The following GRIK2 variants were observed in gnomAD, a reference collection of about 807,000 sequenced individuals.
GRIK2 encodes the protein glutamate ionotropic receptor kainate type subunit 2.
A neutral mutation model predicts 100.3 loss-of-function variants in GRIK2; 32 were observed. The ratio of observed to expected loss-of-function variants is 0.32; its 90% CI spans 0.24 to 0.43. The LOEUF (loss-of-function observed/expected upper bound fraction) is 0.43. Ranked by LOEUF, GRIK2 falls within the 20% of genes least tolerant of loss-of-function variation. The pLI is 1.00. For missense variants in GRIK2, 843 were observed against 1,114.9 expected (o/e 0.76, Z 3.47); for synonymous variants, 417 against 389.4 (o/e 1.07, Z -0.83).
At chr6:101,703,828 C>T (rs1402981895) in intron 7 of GRIK2, among the ~76,000 whole-genome samples, 1 of 149,084 alleles carries the variant, frequency 6.7e-6, no homozygotes, top group Non-Finnish European at 1.5e-5. Context: ...TTGTTTATTG[C>T]ATTATAAAAA....
In GRIK2 at chr6:101,596,948, A is replaced by G. The variant is rs1049800546; in HGVS notation, c.116-25001A>G. On this transcript the variant is annotated intron_variant, in intron 2 of 16. Transcript: ENST00000369134. Reference sequence around the variant, plus strand: ...AAAAGACACATGCACTTATATGTTAATCACAGCAGTATTCACAATAGCAAA... The same window carrying G: ...AAAAGACACATGCACTTATATGTTAGTCACAGCAGTATTCACAATAGCAAA... 4.6e-5 allele frequency among the ~76,000 whole-genome samples: 7 copies of G among 151,968 alleles called. No individual in the cohort carries two copies. In the East Asian group the frequency reaches 9.7e-4, roughly 21 times the overall value.
chr6:101,603,769 C>T (rs1270552789), intron 2 of GRIK2, among the ~76,000 whole-genome samples: 1 of 151,682 alleles, frequency 6.6e-6, no homozygotes, highest in African/African-American at 2.4e-5. Context: ...TATTAGAGAA[C>T]TATGTATTGT....
chr6:102,067,011 A>G (rs1273936901), intron 16 of GRIK2, among the ~76,000 whole-genome samples: 1 of 151,728 alleles, frequency 6.6e-6, no homozygotes, highest in Non-Finnish European at 1.5e-5. Context: ...TGTGAACTGT[A>G]GAAAGTTATC....
chr6:101,956,974 T>C (rs1333707368), intron 14 of GRIK2, among the ~76,000 whole-genome samples: 1 of 151,578 alleles, frequency 6.6e-6, no homozygotes, highest in Non-Finnish European at 1.5e-5. Context: ...AGGTGTCTTT[T>C]TGATATAGTG....
At chr6:101,854,919 A>T (rs1784344407) in intron 10 of GRIK2, among the ~76,000 whole-genome samples, 1 of 152,162 alleles carries the variant, frequency 6.6e-6, no homozygotes, top group East Asian at 1.9e-4. Flanking sequence ...TGAGAAAATA[A>T]ATAATGAGAT....
intron 14 of GRIK2, among the ~76,000 whole-genome samples, chr6:102,022,060 C>T (rs991618847): frequency 5.3e-5 from 8 of 150,164 alleles, no homozygotes; most frequent in Admixed American, 1.3e-4. Flanking sequence ...ACTTCACTGG[C>T]TCTATGAAGC....
chr6:102,041,389 A>G (rs1212479588), intron 15 of GRIK2, among the ~76,000 whole-genome samples: 1 of 151,648 alleles, frequency 6.6e-6, no homozygotes, highest in Non-Finnish European at 1.5e-5. Context: ...CTGTCAGACT[A>G]TGTCAGATAG....
At chr6:101,399,712 C>T (rs959002926) in intron 2 of GRIK2, among the ~76,000 whole-genome samples, 2 of 152,228 alleles carry the variant, frequency 1.3e-5, no homozygotes, top group African/African-American at 2.4e-5. Flanking sequence ...CCCCCGGCGC[C>T]CTGCGAGCTT....
In GRIK2 at chr6:101,572,912, G is replaced by A. The variant is rs537457082; in HGVS notation, c.116-49037G>A. On this transcript the variant is annotated intron_variant, in intron 2 of 16. Transcript: ENST00000369134. ...GGCCCAGGCTGCACTGCAGTGACAC[G>A]ACCTTGGCTCCCTGCAACCTCTGCC... 7.3e-5 allele frequency among the ~76,000 whole-genome samples: 11 copies of A among 151,384 alleles called. No individual in the cohort carries two copies. In the South Asian group the frequency reaches 1.5e-3, roughly 20 times the overall value.
At chr6:101,658,602 G>C (rs985675677) in intron 4 of GRIK2, among the ~76,000 whole-genome samples, 2 of 151,930 alleles carry the variant, frequency 1.3e-5, no homozygotes, top group Admixed American at 1.3e-4. Context: ...TGGTATTTCT[G>C]TTTCTTGATC....
intron 12 of GRIK2, among the ~76,000 whole-genome samples, chr6:101,895,929 TTAAA>T (rs1787410191): frequency 1.3e-5 from 2 of 151,748 alleles, no homozygotes; most frequent in African/African-American, 2.4e-5. Flanking sequence ...CTAAAATTGA[TTAAA>T]TATTGACAAA....
chr6:102,064,645 G>A (rs142834155), intron 16 of GRIK2, among the ~76,000 whole-genome samples: 127 of 151,082 alleles, frequency 8.4e-4, no homozygotes, highest in African/African-American at 2.9e-3. Context: ...ATGATAATAC[G>A]TTAGAATTTT....
chr6:101,736,116 G>T (rs1011048956), intron 7 of GRIK2, among the ~76,000 whole-genome samples: 8 of 152,206 alleles, frequency 5.3e-5, no homozygotes, highest in Non-Finnish European at 1.0e-4. Flanking sequence ...GATGTAAGAT[G>T]TGGGTTCCCA....
intron 7 of GRIK2, among the ~76,000 whole-genome samples, chr6:101,764,964 C>T (rs1460156021): frequency 6.6e-6 from 1 of 152,048 alleles, no homozygotes; most frequent in Non-Finnish European, 1.5e-5. Context: ...CCAGCCTCAT[C>T]CATTATCACT....
At chr6:101,603,982 C>G (rs995385555) in intron 2 of GRIK2, among the ~76,000 whole-genome samples, 44 of 151,190 alleles carry the variant, frequency 2.9e-4, no homozygotes, top group African/African-American at 1.1e-3. Context: ...GGGTACTGTG[C>G]CCATATAACA....
At chr6:101,991,834 C>G (rs367899108) in intron 14 of GRIK2, among the ~76,000 whole-genome samples, 1 of 151,430 alleles carries the variant, frequency 6.6e-6, no homozygotes, top group East Asian at 1.9e-4. Context: ...CCTCTTGCTT[C>G]TTTAGCAACC....
chr6:101,552,311 G>C (rs562860246), intron 2 of GRIK2, among the ~76,000 whole-genome samples: 3 of 152,206 alleles, frequency 2.0e-5, no homozygotes, highest in Admixed American at 2.0e-4. Flanking sequence ...GTGGTATTTA[G>C]CTTCCTCAAA....
intron 14 of GRIK2, among the ~76,000 whole-genome samples, chr6:102,011,442 A>G (rs1448910679): frequency 6.6e-6 from 1 of 151,856 alleles, no homozygotes; most frequent in Non-Finnish European, 1.5e-5. Context: ...TCTTTATTGG[A>G]AGGTTTTTTG....
chr6:101,455,691 A>G (rs1770966670), intron 2 of GRIK2, among the ~76,000 whole-genome samples: 1 of 152,118 alleles, frequency 6.6e-6, no homozygotes, highest in South Asian at 2.1e-4. Flanking sequence ...TAATATAGGT[A>G]GATAACGGTT....
Sources: gnomAD v4.1 joint callset for allele counts (sites outside exome capture counted in the v4.1 genomes callset) on GRCh38, gnomAD v4.1.1 for gene constraint, MANE v1.5 for transcripts, NCBI Gene and HGNC (gene_info 2026-07-23, HGNC 2026-07-21) for gene names.